ZNF385D: variants seen among roughly 807,000 people sequenced by gnomAD.
ZNF385D encodes the protein zinc finger protein 659.
ZNF385D carries 15 observed loss-of-function variants against 35.8 expected under a neutral mutation model. The observed-to-expected ratio is 0.42, with a 90% confidence interval of 0.28 to 0.64. The LOEUF (loss-of-function observed/expected upper bound fraction) is 0.64, where lower values mean the gene tolerates loss of function less well. Ranked by LOEUF, ZNF385D falls within the 30% of genes least tolerant of loss-of-function variation. ZNF385D has a pLI of 0.23. For synonymous variants in ZNF385D, 212 were observed against 186.8 expected (o/e 1.13, Z -1.10); for missense variants, 474 against 494.6 (o/e 0.96, Z 0.39).
intron 3 of ZNF385D, among the ~76,000 whole-genome samples, chr3:21,876,153 A>AAAGC (rs890270941): frequency 1.3e-5 from 2 of 151,118 alleles, no homozygotes; most frequent in African/African-American, 4.8e-5. Flanking sequence ...TTGTAAGTGT[A>AAAGC]AAGCAAGCAA....
intron 3 of ZNF385D, among the ~76,000 whole-genome samples, chr3:22,131,390 G>A (rs543644460): frequency 6.6e-6 from 1 of 152,226 alleles, no homozygotes; most frequent in East Asian, 1.9e-4. Context: ...TTAGAAGAAA[G>A]AAAGAAAGCT....
At chr3:22,200,736 C>A (rs547353663) in intron 2 of ZNF385D, among the ~76,000 whole-genome samples, 1 of 152,208 alleles carries the variant, frequency 6.6e-6, no homozygotes, top group South Asian at 2.1e-4. Flanking sequence ...GATGGCCATG[C>A]CCGGGGGGAC....
chr3:21,809,914 C>T (rs2072835756), intron 3 of ZNF385D, among the ~76,000 whole-genome samples: 3 of 151,926 alleles, frequency 2.0e-5, no homozygotes, highest in South Asian at 4.1e-4. Context: ...AACCTGAAAA[C>T]AAAATCTCTA....
At chr3:22,042,017 T>C (rs1698694026) in intron 3 of ZNF385D, among the ~76,000 whole-genome samples, 1 of 152,124 alleles carries the variant, frequency 6.6e-6, no homozygotes, top group African/African-American at 2.4e-5. Flanking sequence ...TGGAAATGTG[T>C]TTTAATAGGA....
intron 3 of ZNF385D, among the ~76,000 whole-genome samples, chr3:21,522,161 T>C (rs955724356): frequency 1.3e-5 from 2 of 152,166 alleles, no homozygotes; most frequent in Admixed American, 6.5e-5. Context: ...AAAAATGTTT[T>C]TAATAGGAAA....
chr3:21,816,468 C>G (rs1051394852), intron 3 of ZNF385D, among the ~76,000 whole-genome samples: 1 of 152,136 alleles, frequency 6.6e-6, no homozygotes, highest in Non-Finnish European at 1.5e-5. Flanking sequence ...AGCTGTTAAG[C>G]AACTTCAGCA....
Position 21,508,417 on chromosome 3 carries a change from A to G in ZNF385D, c.439+2444T>C, listed in dbSNP as rs562295820. 5.6e-4 allele frequency among the ~76,000 whole-genome samples: 85 copies of G among 152,232 alleles called. 1 individual carries two copies. The highest frequency in any genetic ancestry group is 2.7e-3 in the South Asian group (13 of 4,816). ...AGCACTGGTGTCTGAGTCACATAAC[A>G]TGTTTGCAATTTCTGCTTCTTTGGG... On this transcript the variant is annotated intron_variant, in intron 4 of 7. Transcript: ENST00000281523.
intron 3 of ZNF385D, among the ~76,000 whole-genome samples, chr3:22,123,412 T>C (rs1419342172): frequency 6.6e-6 from 1 of 152,186 alleles, no homozygotes; most frequent in African/African-American, 2.4e-5. Context: ...TGTATATATT[T>C]ATAAAATATT....
intron 3 of ZNF385D, among the ~76,000 whole-genome samples, chr3:21,770,783 T>G (rs1277345618): frequency 1.3e-5 from 2 of 152,262 alleles, no homozygotes; most frequent in Non-Finnish European, 1.5e-5. Context: ...TAAAGACACA[T>G]GCACACGTAT....
At chr3:22,187,491 TACAC>T (rs1038663357) in intron 2 of ZNF385D, among the ~76,000 whole-genome samples, 11 of 151,600 alleles carry the variant, frequency 7.3e-5, no homozygotes, top group African/African-American at 1.2e-4. Flanking sequence ...CACACACAGA[TACAC>T]ACACACACAA....
chr3:22,158,566 GGCT>G (rs1705738085), intron 3 of ZNF385D, among the ~76,000 whole-genome samples: 1 of 151,906 alleles, frequency 6.6e-6, no homozygotes, highest in Non-Finnish European at 1.5e-5. Flanking sequence ...CATGTATCTG[GGCT>G]GCTATTTTTG....
intron 4 of ZNF385D, among the ~76,000 whole-genome samples, chr3:21,508,964 G>A (rs1224978001): frequency 8.5e-6 from 1 of 117,922 alleles, no homozygotes; most frequent in African/African-American, 3.1e-5. Context: ...CAACACACCT[G>A]GGGGCTTTTT....
At chr3:22,067,986 C>T (rs910883404) in intron 3 of ZNF385D, among the ~76,000 whole-genome samples, 3 of 148,370 alleles carry the variant, frequency 2.0e-5, no homozygotes, top group African/African-American at 7.7e-5. Flanking sequence ...GCACACCAGC[C>T]TGGTGAAAGA....
chr3:21,550,852 G>A (rs2062543337), intron 3 of ZNF385D, among the ~76,000 whole-genome samples: 1 of 152,090 alleles, frequency 6.6e-6, no homozygotes, highest in Admixed American at 6.5e-5. Context: ...TCTACTTTTG[G>A]AGGGCTATCA....
chr3:21,567,791 T>G (rs570424255), intron 2 of ZNF385D, among the ~76,000 whole-genome samples: 2 of 152,314 alleles, frequency 1.3e-5, no homozygotes, highest in Admixed American at 1.3e-4. Flanking sequence ...CGAAAATACA[T>G]ACTGCTGAGT....
intron 2 of ZNF385D, among the ~76,000 whole-genome samples, chr3:22,332,501 C>A (rs1575137364): frequency 1.3e-5 from 2 of 152,120 alleles, no homozygotes; most frequent in African/African-American, 2.4e-5. Context: ...AGAAAGTAAT[C>A]AGGCTTTAAT....
chr3:21,755,854 C>A (rs966267466), upstream of ZNF385D, among the ~76,000 whole-genome samples: 1 of 152,120 alleles, frequency 6.6e-6, no homozygotes, highest in South Asian at 2.1e-4. Flanking sequence ...GGATGAAGAA[C>A]GCTGCAGAAA....
At chr3:22,183,791 G>C (rs1449670380) in intron 2 of ZNF385D, among the ~76,000 whole-genome samples, 1 of 151,464 alleles carries the variant, frequency 6.6e-6, no homozygotes, top group Non-Finnish European at 1.5e-5. Flanking sequence ...GCAAAATGGA[G>C]GTCTTAGAAC....
At chr3:21,937,665 T>G (rs1188025243) in intron 3 of ZNF385D, among the ~76,000 whole-genome samples, 1 of 150,868 alleles carries the variant, frequency 6.6e-6, no homozygotes, top group Non-Finnish European at 1.5e-5. Context: ...ATGACGTTAT[T>G]TTCATGAAAT....
Sources: gnomAD v4.1 joint callset for allele counts (sites outside exome capture counted in the v4.1 genomes callset) on GRCh38, gnomAD v4.1.1 for gene constraint, MANE v1.5 for transcripts, NCBI Gene and HGNC (gene_info 2026-07-23, HGNC 2026-07-21) for gene names.